The following DNAJB6 variants were observed in gnomAD, a reference collection of about 807,000 sequenced individuals.
DNAJB6 encodes DnaJ heat shock protein family (Hsp40) member B6.
In DNAJB6, 16 loss-of-function variants were observed where a neutral mutation model predicts 42.7. That is an observed-to-expected ratio of 0.37 (90% CI 0.25 to 0.57). The LOEUF (loss-of-function observed/expected upper bound fraction) is 0.57. DNAJB6 is among the 20% of genes least tolerant of loss of function. DNAJB6 has a pLI of 0.74. For synonymous variants in DNAJB6, 170 were observed against 163.5 expected (o/e 1.04, Z -0.30); for missense variants, 347 against 416.8 (o/e 0.83, Z 1.46).
chr7:157,355,105 T>G (rs1391448098), intron 1 of DNAJB6, among the ~76,000 whole-genome samples: 1 of 152,206 alleles, frequency 6.6e-6, no homozygotes, highest in African/African-American at 2.4e-5. Context: ...AACCCACATG[T>G]AGGATGAGAG....
In DNAJB6 at chr7:157,337,288, C is replaced by T. The variant is rs9297107; in HGVS notation, c.-27+144C>T. ...GGGAAAGGACTGGACGGGGCGGGGG[C>T]CGTGGCCGGGGTTGCGGGGCGAAGG... On this transcript the variant is annotated intron_variant, in intron 1 of 9. Transcript: ENST00000262177. 82,541 of 151,208 alleles carry T rather than the reference C, an allele frequency of 0.55. 22,857 individuals carry two copies. The highest frequency in any genetic ancestry group is 0.76 in the East Asian group (3,853 of 5,098). 9.4% of individuals were successfully genotyped at this position (151,208 alleles called of 1,614,324 possible). A position where few individuals can be genotyped will look rare whatever the true frequency, so the allele number is the denominator to read the frequency against.
rs1799691233 is a variant in DNAJB6, at chr7:157,363,220, C to CA, written c.126dup (p.Glu43ArgfsTer12). 1.2e-6 allele frequency: 2 copies of CA among 1,611,732 alleles called. No individual in the cohort carries two copies. The highest frequency in any genetic ancestry group is 2.7e-5 in the African/African-American group (2 of 74,860). On this transcript the variant is annotated frameshift_variant, in exon 3 of 10. Transcript: ENST00000262177. LOFTEE classifies it high-confidence loss of function. ...AAAAATCCTGAGAATAAAGAAGAAG[C>CA]AGAGAGAAAATTCAAGCAAGTAGCG...
intron 8 of DNAJB6, among the ~76,000 whole-genome samples, chr7:157,402,596 G>A (rs12698051): frequency 0.29 from 44,790 of 152,178 alleles, 6,848 homozygotes; most frequent in South Asian, 0.46. Flanking sequence ...TTCCACCTCC[G>A]TAGGCCTGAG....
intron 8 of DNAJB6, among the ~76,000 whole-genome samples, chr7:157,405,527 C>G (rs1264236426): frequency 1.3e-5 from 2 of 152,168 alleles, no homozygotes; most frequent in African/African-American, 2.4e-5. Context: ...GCCTTGCTCT[C>G]TGTGGGGATC....
At chr7:157,376,132 A>G (rs1185277522) in intron 5 of DNAJB6, among the ~76,000 whole-genome samples, 1 of 152,188 alleles carries the variant, frequency 6.6e-6, no homozygotes, top group African/African-American at 2.4e-5. Context: ...TCAGGTTCTC[A>G]TGCTTGGTAA....
intron 1 of DNAJB6, among the ~76,000 whole-genome samples, chr7:157,346,959 C>T (rs1029075048): frequency 2.6e-5 from 4 of 152,312 alleles, no homozygotes; most frequent in East Asian, 1.9e-4. Flanking sequence ...GGGTTCACAC[C>T]GTTCTCCTGC....
At chr7:157,404,766 A>G (rs1372749415) in intron 8 of DNAJB6, among the ~76,000 whole-genome samples, 1 of 152,076 alleles carries the variant, frequency 6.6e-6, no homozygotes, top group Non-Finnish European at 1.5e-5. Flanking sequence ...TCAGCCTCTC[A>G]AAGTGCTGGG....
chr7:157,359,774 G>A (rs1799486493), intron 2 of DNAJB6, among the ~76,000 whole-genome samples: 1 of 152,184 alleles, frequency 6.6e-6, no homozygotes, highest in South Asian at 2.1e-4. Context: ...AGCTATGTTC[G>A]TGCCACTGTG....
chr7:157,366,383 C>G, intron 3 of DNAJB6, 119 bp from the exon 4 acceptor site: 2 of 865,990 alleles, frequency 2.3e-6, no homozygotes, highest in Non-Finnish European at 3.7e-6. Flanking sequence ...GGTGGCCATA[C>G]TCCTTGAAAT....
intron 1 of DNAJB6, among the ~76,000 whole-genome samples, chr7:157,346,177 G>A (rs1180651558): frequency 2.6e-5 from 4 of 151,874 alleles, no homozygotes; most frequent in Admixed American, 2.0e-4. Context: ...CCAACCTTAG[G>A]GAGATGAAGG....
rs879683342 is a variant in DNAJB6 at position 157,386,345 on chromosome 7, G to A, written c.691+734G>A. 7 of 983,526 alleles carry A rather than the reference G, an allele frequency of 7.1e-6. No individual in the cohort carries two copies. In the Admixed American group the frequency reaches 3.1e-4, roughly 43 times the overall value. The allele number at this position is 983,526 out of a possible 1,614,324, so 60.9% of individuals were successfully genotyped here. ...CTGGAGCTTTTTTGTGTCTGTGTATGATTTGTGCCTGGGCTTCTAGTGTCA... is the reference window on the plus strand; with the variant it reads ...CTGGAGCTTTTTTGTGTCTGTGTATAATTTGTGCCTGGGCTTCTAGTGTCA... On this transcript the variant is annotated intron_variant, in intron 8 of 9. Transcript: ENST00000262177.
chr7:157,410,146 C>T (rs1253190080), intron 9 of DNAJB6, 145 bp downstream of exon 9: 23 of 1,410,066 alleles, frequency 1.6e-5, no homozygotes, highest in Non-Finnish European at 1.8e-5. Flanking sequence ...GAGGAGGTAG[C>T]CTCGCTCTGC....
chr7:157,370,658 T>A (rs1800163429), intron 5 of DNAJB6: 1 of 152,596 alleles, frequency 6.6e-6, no homozygotes, highest in Non-Finnish European at 1.5e-5. Flanking sequence ...CTGAAGCGCT[T>A]TACTGTTAAA....
intron 8 of DNAJB6, among the ~76,000 whole-genome samples, chr7:157,401,564 G>C (rs1309924596): frequency 1.3e-5 from 2 of 152,184 alleles, no homozygotes; most frequent in Non-Finnish European, 2.9e-5. Flanking sequence ...CTGTTCATAT[G>C]GTGGATGTAG....
rs1049762448 is a variant in DNAJB6, at chr7:157,390,490, C to A, written c.691+4879C>A. Reference sequence around the variant, plus strand: ...GCTGGTTACTGAACTGACTGCCATTCAGGCACTGATGGGAAATCACTTCCA... The same window carrying A: ...GCTGGTTACTGAACTGACTGCCATTAAGGCACTGATGGGAAATCACTTCCA... On this transcript the variant is annotated intron_variant, in intron 8 of 9. Transcript: ENST00000262177. Among the ~76,000 whole-genome samples, 7 of 152,332 alleles carry A rather than the reference C, an allele frequency of 4.6e-5. No homozygotes were observed. In the East Asian group the frequency reaches 9.6e-4, roughly 21 times the overall value.
chr7:157,375,654 G>A (rs533843895), intron 5 of DNAJB6, among the ~76,000 whole-genome samples: 42 of 152,312 alleles, frequency 2.8e-4, no homozygotes, highest in African/African-American at 8.9e-4. Flanking sequence ...GCGGAGCTCC[G>A]GCCGTGTTCT....
intron 9 of DNAJB6, chr7:157,413,847 C>T: frequency 6.6e-6 from 1 of 152,076 alleles, no homozygotes; most frequent in South Asian, 2.1e-4. Context: ...CTCACCTCCC[C>T]AGTGGCCGGA....
At chr7:157,383,553 T>TA (rs1242099426) in intron 6 of DNAJB6, among the ~76,000 whole-genome samples, 2 of 152,116 alleles carry the variant, frequency 1.3e-5, no homozygotes, top group African/African-American at 4.8e-5. Context: ...GAAAGCTAGT[T>TA]AAAAATACCA....
intron 2 of DNAJB6, among the ~76,000 whole-genome samples, chr7:157,360,255 CA>C (rs1799511120): frequency 2.6e-5 from 4 of 152,118 alleles, no homozygotes; most frequent in African/African-American, 9.7e-5. Context: ...GAGGAAGAAG[CA>C]AAAGCGGAAA....
Sources: allele counts gnomAD v4.1 joint callset (sites outside exome capture counted in the v4.1 genomes callset), GRCh38; gene constraint gnomAD v4.1.1; transcripts MANE v1.5; gene names NCBI Gene and HGNC (gene_info 2026-07-23, HGNC 2026-07-21).